GUCY2D: variants seen among roughly 807,000 people sequenced by gnomAD.
GUCY2D encodes retinal guanylyl cyclase 1.
Under a neutral mutation model 101.3 loss-of-function variants are expected in GUCY2D, and 70 were observed. The ratio of observed to expected loss-of-function variants is 0.69; its 90% CI spans 0.57 to 0.84. GUCY2D has a LOEUF of 0.84. GUCY2D is among the 40% of genes least tolerant of loss of function. The pLI, the probability that GUCY2D is intolerant of heterozygous loss-of-function variation, is 0.00. For synonymous variants in GUCY2D, 688 were observed against 670.7 expected, an observed-to-expected ratio of 1.03 and a Z score of -0.40; for missense variants, 1,460 against 1,542.5, an observed-to-expected ratio of 0.95 and a Z score of 0.90.
intron 8 of GUCY2D, among the ~76,000 whole-genome samples, chr17:8,010,053 T>C (rs562931210): frequency 6.6e-6 from 1 of 152,230 alleles, no homozygotes; most frequent in Non-Finnish European, 1.5e-5. Context: ...ACACCACTAG[T>C]TCTTTCCTTT....
chr17:8,002,941 CA>C lies in GUCY2D; in HGVS notation c.-9-97del. The C allele has an allele frequency of 1.1e-6, 1 of 923,812 alleles. No individual in the cohort carries two copies. Among genetic ancestry groups the C allele is most frequent in the East Asian group, 3.1e-5 (1 of 32,214 alleles). 57.2% of individuals were successfully genotyped at this position (923,812 alleles called of 1,614,324 possible). On this transcript the variant is annotated intron_variant, in intron 1 of 19. Transcript: ENST00000254854. The surrounding 1 kb of genome is among the most constrained non-coding windows in gnomAD (Gnocchi z 4.9). ...GGGGGCGGTAGCAGCAGAATCATCC[CA>C]TGGGTTACTCGGGCTTGGAGAAACT...
In GUCY2D at chr17:8,015,424, A is replaced by T. The variant is rs1211791165; in HGVS notation, c.2866A>T (p.Ile956Phe). The T allele has an allele frequency of 2.0e-5, 32 of 1,613,924 alleles. No homozygotes were observed. The highest frequency in any genetic ancestry group is 2.7e-5 in the Non-Finnish European group (32 of 1,179,954). The change falls in exon 15 of 20, where the codon ATC (isoleucine) becomes TTC (phenylalanine). Residue 956 changes from isoleucine to phenylalanine, a missense_variant. This residue lies in a region of GUCY2D where 215 missense variants were observed against 227.9 expected (regional missense o/e 0.94). Transcript: ENST00000254854. ...AAEIANMSLD[I>F]LSAVGTFRMR... is the part of the protein sequence containing the mutation. ...AGAGATCGCCAACATGTCACTGGACATCCTCAGTGCCGTGGGCACTTTCCG... is the reference window on the plus strand; with the variant it reads ...AGAGATCGCCAACATGTCACTGGACTTCCTCAGTGCCGTGGGCACTTTCCG...
intron 14 of GUCY2D, 35 bp from the exon 15 acceptor site, chr17:8,015,293 C>T (rs1975942436): frequency 6.3e-7 from 1 of 1,592,434 alleles, no homozygotes; most frequent in African/African-American, 1.3e-5. Context: ...GGGGAATGCT[C>T]AAAAGAAAAT....
In GUCY2D at chr17:8,013,917, T is replaced by C. The variant is rs2151803063; in HGVS notation, c.2301T>C (p.Cys767=). 1.9e-6 allele frequency: 3 copies of C among 1,613,458 alleles called. No individual in the cohort carries two copies. Among genetic ancestry groups the C allele is most frequent in the Non-Finnish European group, 2.5e-6 (3 of 1,179,402 alleles). The change falls in exon 12 of 20, where the codon TGT becomes TGC. Residue 767 remains cysteine (C), a synonymous_variant. Transcript: ENST00000254854. The surrounding 1 kb of genome is among the most constrained non-coding windows in gnomAD (Gnocchi z 5.0). The part of the protein sequence containing the change: ...VQRVRSPPPL[C]RPLVSMDQAP... Reference sequence around the variant, plus strand: ...GGGTGCGGAGCCCCCCTCCACTGTGTCGGCCCTTGGTGTCCATGGACCAGG... The same window carrying C: ...GGGTGCGGAGCCCCCCTCCACTGTGCCGGCCCTTGGTGTCCATGGACCAGG...
chr17:8,004,158 TAGACG>T lies in GUCY2D; in HGVS notation c.1026+3_1026+7del. On this transcript the variant is annotated splice_donor_5th_base_variant and intron_variant, in intron 3 of 19. Transcript: ENST00000254854. ...CCCTCTGACCTCAATCTGCAGCAGGTAGACGGTCCCGGGAGGAGGGAAGAAGGCAA... is the reference window on the plus strand; with the variant it reads ...CCCTCTGACCTCAATCTGCAGCAGGTGTCCCGGGAGGAGGGAAGAAGGCAA... 6.3e-7 allele frequency: 1 copy of T among 1,587,384 alleles called. No individual in the cohort carries two copies. Among genetic ancestry groups the T allele is most frequent in the South Asian group, 1.1e-5 (1 of 90,070 alleles).
In GUCY2D at chr17:8,006,509, C is replaced by A; in HGVS notation, c.1173C>A (p.Cys391Ter). 6.2e-7 allele frequency: 1 copy of A among 1,609,708 alleles called. No homozygotes were observed. The highest frequency in any genetic ancestry group is 8.5e-7 in the Non-Finnish European group (1 of 1,179,980). ...HIRDAQVPGF[C>*]GDLGGDEEPP... Reference sequence around the variant, plus strand: ...GGGATGCGCAGGTCCCTGGCTTCTGCGGGGACCTAGGAGGAGACGAGGAGC... The same window carrying A: ...GGGATGCGCAGGTCCCTGGCTTCTGAGGGGACCTAGGAGGAGACGAGGAGC... Residue 391 changes from cysteine (C) to a stop codon, truncating the protein, a stop_gained, in exon 4 of 20, where the codon TGC becomes TGA. Coordinates refer to ENST00000254854, the MANE Select transcript of GUCY2D (RefSeq NM_000180.4). LOFTEE classifies it high-confidence loss of function.
intron 15 of GUCY2D, 76 bp downstream of exon 15, chr17:8,015,578 C>A: frequency 7.2e-7 from 1 of 1,387,010 alleles, no homozygotes; most frequent in Non-Finnish European, 1.0e-6. Context: ...GTAGAGGAGG[C>A]AACTCATGGA....
rs776073853 is a variant in GUCY2D at position 8,014,703 on chromosome 17, A to T, written c.2515A>T (p.Thr839Ser). The T allele has an allele frequency of 6.2e-7, 1 of 1,613,212 alleles. No individual in the cohort carries two copies. The highest frequency in any genetic ancestry group is 8.5e-7 in the Non-Finnish European group (1 of 1,179,570). The change falls in exon 13 of 20, where the codon ACG (threonine) becomes TCG (serine). Residue 839 changes from threonine to serine, a missense_variant. Physicochemically the swap from Thr to Ser is moderately conservative, Grantham distance 58 (BLOSUM62 1). Around this residue, in one of 3 missense-constraint regions of GUCY2D, gnomAD observed 1,196 missense variants for 1,229.6 expected, o/e 0.97. Transcript: ENST00000254854. The surrounding 1 kb of genome is among the most constrained non-coding windows in gnomAD (Gnocchi z 4.0). ...SNLEDLIRER[T>S]EELELEKQKT... is the part of the protein sequence containing the mutation. ...CCTGGAGGATCTGATCCGGGAGCGC[A>T]CGGAGGAGCTGGAGCTGGAAAAGCA...
intron 8 of GUCY2D, among the ~76,000 whole-genome samples, chr17:8,010,964 G>C (rs921049521): frequency 6.6e-6 from 1 of 152,110 alleles, no homozygotes; most frequent in Non-Finnish European, 1.5e-5. Flanking sequence ...AGTCAGTCCT[G>C]TCTTCCCTAA....
chr17:8,005,662 C>T (rs1395581281), intron 3 of GUCY2D, among the ~76,000 whole-genome samples: 2 of 152,208 alleles, frequency 1.3e-5, no homozygotes, highest in African/African-American at 4.8e-5. Flanking sequence ...CCTGTCTCTG[C>T]AGCTCCCTCA....
intron 19 of GUCY2D, among the ~76,000 whole-genome samples, chr17:8,018,142 G>C (rs973191853): frequency 2.6e-5 from 4 of 152,178 alleles, no homozygotes; most frequent in Non-Finnish European, 4.4e-5. Flanking sequence ...GTTTGCAGCA[G>C]GCTAGGAAAC....
At position 8,015,814 on chromosome 17, in the gene GUCY2D, G is replaced by T; in HGVS notation, c.3016G>T (p.Ala1006Ser). 6.2e-7 allele frequency: 1 copy of T among 1,612,468 alleles called. No individual in the cohort carries two copies. Among genetic ancestry groups the T allele is most frequent in the Non-Finnish European group, 8.5e-7 (1 of 1,179,398 alleles). ...YCLFGDTVNT[A>S]SRMESTGLPY... ...CCTGTTTGGGGACACGGTCAACACCGCCTCGCGCATGGAGTCCACCGGGCT... is the reference window on the plus strand; with the variant it reads ...CCTGTTTGGGGACACGGTCAACACCTCCTCGCGCATGGAGTCCACCGGGCT... The change falls in exon 16 of 20, where the codon GCC becomes TCC. Residue 1006 changes from alanine to serine, a missense_variant. By Grantham distance (99) the Ala-to-Ser change is moderately conservative. Around this residue, in one of 3 missense-constraint regions of GUCY2D, gnomAD observed 215 missense variants for 227.9 expected, o/e 0.94. Coordinates refer to ENST00000254854, the MANE Select transcript of GUCY2D (RefSeq NM_000180.4).
Position 8,014,008 on chromosome 17 carries a change from A to T in GUCY2D, c.2392A>T (p.Met798Leu). Reference sequence around the variant, plus strand: ...AGAGCAGCCGGAACTTCGGCCCTCCATGGACCACACCTTCGACCTGGTCAG... The same window carrying T: ...AGAGCAGCCGGAACTTCGGCCCTCCTTGGACCACACCTTCGACCTGGTCAG... ...WAEQPELRPS[M>L]DHTFDLFKNI... is the part of the protein sequence containing the mutation. The change falls in exon 12 of 20, where the codon ATG (methionine) becomes TTG (leucine). Residue 798 changes from methionine (M) to leucine (L), a missense_variant. This residue lies in a region of GUCY2D where 1,196 missense variants were observed against 1,229.6 expected (regional missense o/e 0.97). Transcript: ENST00000254854. The surrounding 1 kb of genome is among the most constrained non-coding windows in gnomAD (Gnocchi z 4.0). The T allele has an allele frequency of 1.2e-6, 2 of 1,613,546 alleles. No homozygotes were observed. The highest frequency in any genetic ancestry group is 1.7e-6 in the Non-Finnish European group (2 of 1,179,948).
At chr17:8,006,310 G>C in intron 3 of GUCY2D, 53 bp from the exon 4 acceptor site, 1 of 1,374,940 alleles carries the variant, frequency 7.3e-7, no homozygotes. Flanking sequence ...AAAGAATCTG[G>C]TCTGTCTGTG....
rs778875311 is a variant in GUCY2D at position 8,007,055 on chromosome 17, T to C, written c.1379-5T>C. ...TCAGTATACCTCCTGTCACTGTCCC[T>C]TCAGGACTGGAGCCGGGCCTCGTCT... On this transcript the variant is annotated splice_polypyrimidine_tract_variant and splice_region_variant and intron_variant, in intron 4 of 19. Transcript: ENST00000254854. The C allele has an allele frequency of 9.9e-6, 16 of 1,612,770 alleles. No individual in the cohort carries two copies. The highest frequency in any genetic ancestry group is 1.3e-5 in the Non-Finnish European group (15 of 1,178,718).
chr17:8,019,940 C>A (rs768915855), intron 19 of GUCY2D, among the ~76,000 whole-genome samples, 188 bp from the exon 20 acceptor site: 1 of 152,122 alleles, frequency 6.6e-6, no homozygotes, highest in Admixed American at 6.6e-5. Context: ...AGCTGGCCTG[C>A]GCCAGGAGCC....
intron 5 of GUCY2D, 53 bp from the exon 6 acceptor site, chr17:8,007,373 C>T: frequency 8.1e-7 from 1 of 1,241,962 alleles, no homozygotes; most frequent in Non-Finnish European, 1.2e-6. Flanking sequence ...CCCTGCTGGT[C>T]TCTTCTGACG....
rs557073963 is a variant in GUCY2D at position 8,009,589 on chromosome 17, G to A, written c.1749+3G>A. 1 of 1,601,240 alleles carries A rather than the reference G, an allele frequency of 6.2e-7. No homozygotes were observed. The highest frequency in any genetic ancestry group is 1.1e-5 in the South Asian group (1 of 90,834). On this transcript the variant is annotated splice_donor_region_variant and intron_variant, in intron 8 of 19. Coordinates refer to ENST00000254854, the MANE Select transcript of GUCY2D (RefSeq NM_000180.4). ...CAACCAAGACGGCCTTCTCCAAGGT[G>A]AGACTTGGGCCTGTGATGGGGCCTA...
At position 8,013,850 on chromosome 17, in the gene GUCY2D, C is replaced by T. The variant is rs1975904929; in HGVS notation, c.2264-30C>T. On this transcript the variant is annotated intron_variant, in intron 11 of 19. Coordinates refer to ENST00000254854, the MANE Select transcript of GUCY2D (RefSeq NM_000180.4). The surrounding 1 kb of genome is among the most constrained non-coding windows in gnomAD (Gnocchi z 5.0). Reference sequence around the variant, plus strand: ...AGGCAGCCTTTGTGTTCTGGGGGCACTCCCCCTCACTGTCCCCTCATGCCT... The same window carrying T: ...AGGCAGCCTTTGTGTTCTGGGGGCATTCCCCCTCACTGTCCCCTCATGCCT... 6.2e-7 allele frequency: 1 copy of T among 1,604,326 alleles called. No individual in the cohort carries two copies. Among genetic ancestry groups the T allele is most frequent in the Non-Finnish European group, 8.5e-7 (1 of 1,171,502 alleles).
Sources: gnomAD v4.1 joint callset for allele counts (sites outside exome capture counted in the v4.1 genomes callset) on GRCh38, gnomAD v4.1.1 for gene constraint, gnomAD v4.1.1 regional missense constraint, Gnocchi (gnomAD v3.1) non-coding constraint, MANE v1.5 for transcripts, NCBI Gene and HGNC (gene_info 2026-07-23, HGNC 2026-07-21) for gene names.